Variants in MTMR12 observed in about 807,000 individuals in gnomAD.
The protein encoded by MTMR12 is myotubularin related protein 12.
Under a neutral mutation model 96.7 loss-of-function variants are expected in MTMR12, and 33 were observed. The ratio of observed to expected loss-of-function variants is 0.34; its 90% CI spans 0.26 to 0.46. The LOEUF (loss-of-function observed/expected upper bound fraction) is 0.46, where lower values mean the gene tolerates loss of function less well. Ranked by LOEUF, MTMR12 falls within the 20% of genes least tolerant of loss-of-function variation. MTMR12 has a pLI of 1.00. For missense variants in MTMR12, 721 were observed against 896.1 expected (o/e 0.80, Z 2.49); for synonymous variants, 298 against 327.2 (o/e 0.91, Z 0.96).
rs1561726686 is a variant in MTMR12, at chr5:32,228,556, G to GATATATATATATCATATATATGTGAT, written c.*1221_*1222insATCACATATATATGATATATATATAT. ...TATGATATATATATCATATATATGTGATATATATATATCATATATATATCA... is the reference window on the plus strand; with the variant it reads ...TATGATATATATATCATATATATGTGATATATATATATCATATATATGTGATATATATATATATCATATATATATCA... On this transcript the variant is annotated 3_prime_UTR_variant, in exon 16 of 16. Coordinates refer to ENST00000382142, the MANE Select transcript of MTMR12 (RefSeq NM_001040446.3). 5 of 122,764 alleles carry GATATATATATATCATATATATGTGAT rather than the reference G, an allele frequency of 4.1e-5. No homozygotes were observed. Among genetic ancestry groups the GATATATATATATCATATATATGTGAT allele is most frequent in the African/African-American group, 1.6e-4 (5 of 30,948 alleles). 7.6% of individuals were successfully genotyped at this position (122,764 alleles called of 1,614,324 possible). A position where few individuals can be genotyped will look rare whatever the true frequency, so the allele number is the denominator to read the frequency against.
intron 8 of MTMR12, among the ~76,000 whole-genome samples, chr5:32,251,146 C>T (rs1237236879): frequency 6.7e-6 from 1 of 150,166 alleles, no homozygotes; most frequent in African/African-American, 2.5e-5. Context: ...AGCTCCGCCT[C>T]CCGGGTTCAC....
At chr5:32,290,570 T>G (rs1397370550) in intron 1 of MTMR12, among the ~76,000 whole-genome samples, 1 of 152,196 alleles carries the variant, frequency 6.6e-6, no homozygotes, top group Non-Finnish European at 1.5e-5. Flanking sequence ...GGCAACATAT[T>G]CTTCGTTTGA....
intron 7 of MTMR12, among the ~76,000 whole-genome samples, chr5:32,260,490 T>A (rs891273640): frequency 6.6e-5 from 10 of 151,818 alleles, no homozygotes; most frequent in East Asian, 1.9e-4. Flanking sequence ...GGATTTTTTT[T>A]AAAAACAATT....
chr5:32,248,707 G>C, intron 9 of MTMR12, 65 bp downstream of exon 9: 1 of 1,241,634 alleles, frequency 8.1e-7, no homozygotes, highest in Non-Finnish European at 1.2e-6. Flanking sequence ...ATACTACTAA[G>C]AGCTGTTCCC....
rs138139193 is a variant in MTMR12 at position 32,277,389 on chromosome 5, C to G, written c.82-647G>C. Among the ~76,000 whole-genome samples the G allele has an allele frequency of 5.2e-3, 786 of 152,188 alleles. 12 individuals are homozygous for G. Among genetic ancestry groups the G allele is most frequent in the African/African-American group, 0.018 (754 of 41,534 alleles). Reference sequence around the variant, plus strand: ...TGTCACATAGCAAAGCAAGGCTGCTCAAACACAGAATCTGAAATAAAAGAG... The same window carrying G: ...TGTCACATAGCAAAGCAAGGCTGCTGAAACACAGAATCTGAAATAAAAGAG... On this transcript the variant is annotated intron_variant, in intron 1 of 15. Coordinates refer to ENST00000382142, the MANE Select transcript of MTMR12 (RefSeq NM_001040446.3).
intron 13 of MTMR12, among the ~76,000 whole-genome samples, chr5:32,238,044 T>C (rs1421289794): frequency 6.8e-6 from 1 of 146,688 alleles, no homozygotes; most frequent in Admixed American, 7.1e-5. Flanking sequence ...CTAGGGAGGC[T>C]GAGGCAGGAG....
At chr5:32,245,491 C>T (rs181135069) in intron 10 of MTMR12, among the ~76,000 whole-genome samples, 20 of 152,290 alleles carry the variant, frequency 1.3e-4, no homozygotes, top group Admixed American at 1.1e-3. Context: ...CTGATGAAGT[C>T]TTCCTGGGCA....
rs1747863332 is a variant in MTMR12 at position 32,228,615 on chromosome 5, A to ATGATATATATG, written c.*1162_*1163insCATATATATCA. 7.9e-6 allele frequency: 1 copy of ATGATATATATG among 126,274 alleles called. No homozygotes were observed. Among genetic ancestry groups the ATGATATATATG allele is most frequent in the African/African-American group, 3.1e-5 (1 of 32,342 alleles). The allele number at this position is 126,274 out of a possible 1,614,324, so 7.8% of individuals were successfully genotyped here. On this transcript the variant is annotated 3_prime_UTR_variant, in exon 16 of 16. Transcript: ENST00000382142. ...TGATATATATATATATATCATATAT[A>ATGATATATATG]TGATATATATATATCACATATATAT... is the stretch of plus-strand genomic sequence containing the variant.
chr5:32,258,196 A>G (rs1395617680), intron 7 of MTMR12, among the ~76,000 whole-genome samples: 1 of 152,192 alleles, frequency 6.6e-6, no homozygotes, highest in Non-Finnish European at 1.5e-5. Flanking sequence ...TAAGATTGTG[A>G]TAGAAAACCA....
intron 8 of MTMR12, among the ~76,000 whole-genome samples, chr5:32,255,466 G>A (rs1018967207): frequency 1.3e-5 from 2 of 152,300 alleles, no homozygotes; most frequent in African/African-American, 4.8e-5. Context: ...TCCTCTTAAA[G>A]CTCTGTTCAT....
chr5:32,235,136 G>C lies in MTMR12; in HGVS notation c.1345-7C>G. 1 of 1,610,242 alleles carries C rather than the reference G, an allele frequency of 6.2e-7. No individual in the cohort carries two copies. The highest frequency in any genetic ancestry group is 8.5e-7 in the Non-Finnish European group (1 of 1,178,442). On this transcript the variant is annotated splice_region_variant and splice_polypyrimidine_tract_variant and intron_variant, in intron 13 of 15. Transcript: ENST00000382142. The stretch of plus-strand genomic sequence containing the variant: ...AAAGCAGGAACACAGGAACCTGCAT[G>C]AAAACAAGATACGTTACTTGGTGGG...
chr5:32,295,999 CA>C (rs201198202), intron 1 of MTMR12, among the ~76,000 whole-genome samples: 2,219 of 150,664 alleles, frequency 0.015, 37 homozygotes, highest in East Asian at 0.07. Flanking sequence ...ACTAAAAATA[CA>C]AAAAAAAAGT....
At chr5:32,247,868 C>G in intron 10 of MTMR12, 134 bp downstream of exon 10, 1 of 1,396,848 alleles carries the variant, frequency 7.2e-7, no homozygotes, top group Non-Finnish European at 9.4e-7. Context: ...AGACCCCTGG[C>G]TCCATGACAT....
intron 8 of MTMR12, among the ~76,000 whole-genome samples, chr5:32,250,740 C>T (rs1326516871): frequency 6.6e-6 from 1 of 152,172 alleles, no homozygotes; most frequent in Non-Finnish European, 1.5e-5. Flanking sequence ...CCAACTATAA[C>T]TCATTTTCCA....
rs753474979 is a variant in MTMR12, at chr5:32,229,924, C to T, written c.2098G>A (p.Ala700Thr). The change falls in exon 16 of 16, where the codon GCC (alanine) becomes ACC (threonine). Residue 700 changes from alanine to threonine, a missense_variant. Ala to Thr is a moderately conservative substitution (Grantham distance 58). Coordinates refer to ENST00000382142, the MANE Select transcript of MTMR12 (RefSeq NM_001040446.3). The stretch of plus-strand genomic sequence containing the variant: ...AAAGGAAACAAAGACGAGAGGCGGG[C>T]AGAGTTCCTCAGCAGGCAGGGGGCC... ...AEAPCLLRNS[A>T]RLSSLFPFAL... The T allele has an allele frequency of 1.9e-6, 3 of 1,612,566 alleles. No individual in the cohort carries two copies. In the East Asian group the frequency reaches 6.7e-5, roughly 36 times the overall value.
intron 13 of MTMR12, 41 bp downstream of exon 13, chr5:32,238,960 T>G (rs1056786363): frequency 3.2e-5 from 48 of 1,499,220 alleles, no homozygotes; most frequent in Non-Finnish European, 4.2e-5. Context: ...GATTCAGTAG[T>G]TCTCCCTATG....
intron 1 of MTMR12, among the ~76,000 whole-genome samples, chr5:32,308,992 G>A (rs1037050221): frequency 1.3e-5 from 2 of 152,180 alleles, no homozygotes; most frequent in Admixed American, 6.5e-5. Context: ...CTACAACAAC[G>A]AGGCATAGTG....
Position 32,289,778 on chromosome 5 carries a change from C to G in MTMR12, c.82-13036G>C, listed in dbSNP as rs138389006. Among the ~76,000 whole-genome samples, 1,154 of 152,308 alleles carry G rather than the reference C, an allele frequency of 7.6e-3. 7 individuals carry two copies. Among genetic ancestry groups the G allele is most frequent in the Non-Finnish European group, 0.012 (846 of 68,028 alleles). ...CAGAACCCCCACATTCGTTCCCTAA[C>G]TGGTAGGGTGAGGGCTATTATGGTG... On this transcript the variant is annotated intron_variant, in intron 1 of 15. Transcript: ENST00000382142.
chr5:32,283,892 A>G (rs546084128), intron 1 of MTMR12, among the ~76,000 whole-genome samples: 1 of 152,328 alleles, frequency 6.6e-6, no homozygotes, highest in East Asian at 1.9e-4. Flanking sequence ...CCTCTGAGGC[A>G]TGAGTCTCTA....
Sources: gnomAD v4.1 joint callset for allele counts (sites outside exome capture counted in the v4.1 genomes callset) on GRCh38, gnomAD v4.1.1 for gene constraint, MANE v1.5 for transcripts, NCBI Gene and HGNC (gene_info 2026-07-23, HGNC 2026-07-21) for gene names.